NINL: variants seen among roughly 807,000 people sequenced by gnomAD.
The protein encoded by NINL is ninein like, also known as ninein-like protein.
Under a neutral mutation model 160.3 loss-of-function variants are expected in NINL, and 153 were observed. That is an observed-to-expected ratio of 0.95 (90% CI 0.84 to 1.09). The LOEUF is 1.09. NINL is among the 50% of genes least tolerant of loss of function. The pLI, the probability that NINL is intolerant of heterozygous loss-of-function variation, is 0.00. For synonymous variants in NINL, 800 were observed against 734.8 expected (o/e 1.09, Z -1.43); for missense variants, 1,829 against 1,764.0 (o/e 1.04, Z -0.66).
At chr20:25,559,350 C>G (rs2064906030) in intron 1 of NINL, among the ~76,000 whole-genome samples, 1 of 152,246 alleles carries the variant, frequency 6.6e-6, no homozygotes. Flanking sequence ...AAGTGATTCT[C>G]CTGCCTCAGC....
chr20:25,526,893 G>A (rs381497), intron 1 of NINL, among the ~76,000 whole-genome samples: 258 of 152,258 alleles, frequency 1.7e-3, no homozygotes, highest in Middle Eastern at 6.8e-3. Context: ...GGCCAGGTAT[G>A]GGTGACTCAC....
Position 25,458,467 on chromosome 20 carries a change from C to T in NINL, c.3759G>A (p.Leu1253=). Residue 1253 remains leucine, a synonymous_variant, in exon 22 of 24, where the codon CTG becomes CTA. Transcript: ENST00000278886. The part of the protein sequence containing the change: ...AQAQHLQEVR[L]VPQDRVAELH... ...GCTCGGCCACACGGTCCTGGGGCAC[C>T]AGCCGGACCTCCTGCAAGTGCTGGG... 6.2e-7 allele frequency: 1 copy of T among 1,604,138 alleles called. No individual in the cohort carries two copies. Among genetic ancestry groups the T allele is most frequent in the South Asian group, 1.1e-5 (1 of 91,012 alleles).
intron 1 of NINL, among the ~76,000 whole-genome samples, chr20:25,537,666 C>T (rs115913879): frequency 0.017 from 2,523 of 152,292 alleles, 73 homozygotes; most frequent in African/African-American, 0.058. Flanking sequence ...GACGGGGATG[C>T]GTCATGGGGA....
Position 25,585,519 on chromosome 20 carries a change from G to A in NINL, c.-76C>T, listed in dbSNP as rs73597820. 0.13 allele frequency: 19,267 copies of A among 152,226 alleles called. 1,988 individuals are homozygous for A. The highest frequency in any genetic ancestry group is 0.56 in the East Asian group (2,889 of 5,140). 9.4% of individuals were successfully genotyped at this position (152,226 alleles called of 1,614,324 possible). ...AGCGCGGCACCACCCCCGTACCGCC[G>A]GCCGCTCTTTGTGTCTGGAGGCCGC... On this transcript the variant is annotated 5_prime_UTR_variant, in exon 1 of 24. Transcript: ENST00000278886.
At chr20:25,522,195 A>T (rs891136540) in intron 2 of NINL, among the ~76,000 whole-genome samples, 6 of 152,204 alleles carry the variant, frequency 3.9e-5, no homozygotes, top group African/African-American at 1.2e-4. Context: ...GACCTGAGCC[A>T]CCATGCCAAG....
At chr20:25,467,027 G>T (rs1049165932) in intron 19 of NINL, among the ~76,000 whole-genome samples, 3 of 152,330 alleles carry the variant, frequency 2.0e-5, no homozygotes, top group Admixed American at 6.5e-5. Context: ...CCTCGGGCCA[G>T]TGCAGAGCCT....
chr20:25,513,190 C>A (rs1207470128), intron 3 of NINL, among the ~76,000 whole-genome samples, 184 bp from the exon 4 acceptor site: 1 of 152,134 alleles, frequency 6.6e-6, no homozygotes, highest in Non-Finnish European at 1.5e-5. Context: ...AATTCTATGA[C>A]CTTGGGTGGG....
At chr20:25,478,170 G>A (rs1465069579) in intron 16 of NINL, among the ~76,000 whole-genome samples, 2 of 152,048 alleles carry the variant, frequency 1.3e-5, no homozygotes, top group African/African-American at 4.8e-5. Context: ...GGCTGGTCTC[G>A]AACTCCTGAG....
intron 13 of NINL, among the ~76,000 whole-genome samples, chr20:25,484,961 G>A (rs1282162986): frequency 6.6e-6 from 1 of 152,234 alleles, no homozygotes; most frequent in African/African-American, 2.4e-5. Flanking sequence ...AGCGAGCGGG[G>A]CACAACATCA....
chr20:25,483,624 G>A (rs758460855), intron 13 of NINL, among the ~76,000 whole-genome samples: 1 of 152,282 alleles, frequency 6.6e-6, no homozygotes, highest in Non-Finnish European at 1.5e-5. Flanking sequence ...AGGCCGCGTG[G>A]GCGGCGGGAA....
intron 1 of NINL, among the ~76,000 whole-genome samples, chr20:25,570,693 ACTTTTTTTTTT>A (rs1226295163): frequency 2.7e-5 from 2 of 74,102 alleles, no homozygotes; most frequent in Non-Finnish European, 5.3e-5. Flanking sequence ...GGGCAAGTAG[ACTTTTTTTTTT>A]TTTTTTTTTT....
intron 1 of NINL, among the ~76,000 whole-genome samples, chr20:25,570,642 T>C (rs1416611174): frequency 6.9e-6 from 1 of 145,060 alleles, no homozygotes; most frequent in Admixed American, 6.7e-5. Flanking sequence ...CTAATACAGA[T>C]ACTTTTTTTT....
chr20:25,572,468 C>G (rs1447754033), intron 1 of NINL, among the ~76,000 whole-genome samples: 2 of 152,142 alleles, frequency 1.3e-5, no homozygotes, highest in African/African-American at 4.8e-5. Flanking sequence ...GAGTGCTCAT[C>G]ATGTACTGGA....
chr20:25,458,641 C>T, intron 21 of NINL, 112 bp from the exon 22 acceptor site: 3 of 1,112,576 alleles, frequency 2.7e-6, no homozygotes, highest in Non-Finnish European at 3.7e-6. Context: ...AGCGTGTGCT[C>T]CCGAGTATGC....
chr20:25,577,727 G>T (rs1054742903), intron 1 of NINL, among the ~76,000 whole-genome samples: 13 of 152,212 alleles, frequency 8.5e-5, no homozygotes, highest in Admixed American at 3.9e-4. Flanking sequence ...CCATCCTGGC[G>T]GGGGAGCCCA....
intron 1 of NINL, among the ~76,000 whole-genome samples, chr20:25,535,522 T>G (rs958043700): frequency 6.6e-6 from 1 of 152,172 alleles, no homozygotes; most frequent in African/African-American, 2.4e-5. Context: ...CATAAATATA[T>G]GCATTTTTGT....
chr20:25,579,812 G>A (rs985893697), intron 1 of NINL, among the ~76,000 whole-genome samples: 1 of 152,152 alleles, frequency 6.6e-6, no homozygotes, highest in Non-Finnish European at 1.5e-5. Context: ...TGAGGTCTTC[G>A]GTGAACTCCC....
chr20:25,536,152 C>T (rs2147022525), intron 1 of NINL, among the ~76,000 whole-genome samples: 1 of 152,302 alleles, frequency 6.6e-6, no homozygotes, highest in Non-Finnish European at 1.5e-5. Context: ...GACTTTCCAC[C>T]TACCCAAGAG....
At chr20:25,508,215 A>G (rs551366670) in intron 5 of NINL, among the ~76,000 whole-genome samples, 1 of 152,360 alleles carries the variant, frequency 6.6e-6, no homozygotes, top group South Asian at 2.1e-4. Context: ...TGGCCCTGGC[A>G]TTCAAGGATC....
Sources: allele counts gnomAD v4.1 joint callset (sites outside exome capture counted in the v4.1 genomes callset), GRCh38; gene constraint gnomAD v4.1.1; transcripts MANE v1.5; gene names NCBI Gene and HGNC (gene_info 2026-07-23, HGNC 2026-07-21).